The following ACAP2 variants were observed in gnomAD, a reference collection of about 807,000 sequenced individuals.
ACAP2 encodes ArfGAP with coiled-coil, ankyrin repeat and PH domains 2.
Under a neutral mutation model 115.8 loss-of-function variants are expected in ACAP2, and 39 were observed. The observed-to-expected ratio is 0.34, with a 90% confidence interval of 0.26 to 0.44. The LOEUF (loss-of-function observed/expected upper bound fraction) is 0.44. ACAP2 is among the 20% of genes least tolerant of loss of function. The probability of loss-of-function intolerance (pLI) is 1.00; values close to 1 mark genes in which losing one functional copy is unlikely to be tolerated. For missense variants in ACAP2, 662 were observed against 927.6 expected (o/e 0.71, Z 3.72); for synonymous variants, 289 against 315.8 (o/e 0.92, Z 0.90).
In ACAP2 at chr3:195,279,413, T is replaced by C. The variant is rs1726342820; in HGVS notation, c.2252A>G (p.Gln751Arg). 2 of 1,600,332 alleles carry C rather than the reference T, an allele frequency of 1.2e-6. No individual in the cohort carries two copies. Among genetic ancestry groups the C allele is most frequent in the Admixed American group, 1.8e-5 (1 of 56,972 alleles). ...LYGQPGDETY[Q>R]DIFRDFSQMA... ...TTGGGAAAAATCACGAAATATGTCC[T>C]GATAAGTTTCATCACCTGCATGAAA... is the stretch of plus-strand genomic sequence containing the variant. Residue 751 changes from glutamine (Q) to arginine (R), a missense_variant, in exon 23 of 23, where the codon CAG becomes CGG. Transcript: ENST00000326793.
intron 1 of ACAP2, among the ~76,000 whole-genome samples, chr3:195,420,408 G>A (rs1714084727): frequency 6.6e-6 from 1 of 152,094 alleles, no homozygotes; most frequent in Non-Finnish European, 1.5e-5. Context: ...GAGTGCAGTG[G>A]CGCAATCTCG....
intron 4 of ACAP2, among the ~76,000 whole-genome samples, chr3:195,370,403 T>G (rs1205887354): frequency 6.6e-6 from 1 of 152,200 alleles, no homozygotes; most frequent in Non-Finnish European, 1.5e-5. Flanking sequence ...TAATCCATCT[T>G]GAGTTGATTT....
At chr3:195,394,534 A>G (rs1711578503) in intron 1 of ACAP2, among the ~76,000 whole-genome samples, 1 of 152,216 alleles carries the variant, frequency 6.6e-6, no homozygotes, top group South Asian at 2.1e-4. Context: ...AAAGGTAAGC[A>G]GCAAGGCACA....
chr3:195,345,149 T>C, intron 5 of ACAP2, 110 bp downstream of exon 5: 1 of 776,728 alleles, frequency 1.3e-6, no homozygotes. Flanking sequence ...GCAAACAAAA[T>C]GTCAATATTT....
At chr3:195,300,034 CTTTTTTT>C (rs761772967) in intron 15 of ACAP2, among the ~76,000 whole-genome samples, 199 of 141,930 alleles carry the variant, frequency 1.4e-3, no homozygotes, top group African/African-American at 5.3e-3. Context: ...TTTCTTTTTT[CTTTTTTT>C]TTCTTTTTTT....
chr3:195,374,499 TAAG>T (rs1024819230), intron 4 of ACAP2, among the ~76,000 whole-genome samples: 1 of 152,144 alleles, frequency 6.6e-6, no homozygotes, highest in African/African-American at 2.4e-5. Context: ...AACTACAACT[TAAG>T]AAGATGAAAT....
chr3:195,297,414 G>T, intron 15 of ACAP2, 133 bp from the exon 16 acceptor site: 1 of 669,034 alleles, frequency 1.5e-6, no homozygotes, highest in Non-Finnish European at 2.4e-6. Context: ...ATTCTACAAA[G>T]AAGTTTTATG....
intron 4 of ACAP2, among the ~76,000 whole-genome samples, chr3:195,355,608 A>T (rs543181528): frequency 4.2e-4 from 64 of 152,380 alleles, no homozygotes; most frequent in African/African-American, 1.5e-3. Flanking sequence ...GCATAGAATA[A>T]TATATGACTC....
chr3:195,363,120 C>G (rs574793080), intron 4 of ACAP2, among the ~76,000 whole-genome samples: 1 of 152,250 alleles, frequency 6.6e-6, no homozygotes, highest in African/African-American at 2.4e-5. Flanking sequence ...AAAATCAACA[C>G]ACAAAAATCA....
intron 4 of ACAP2, among the ~76,000 whole-genome samples, chr3:195,347,454 C>T (rs188095723): frequency 1.6e-4 from 25 of 152,270 alleles, no homozygotes; most frequent in African/African-American, 5.8e-4. Context: ...CACAGACACA[C>T]ATACATGCAA....
intron 16 of ACAP2, 123 bp from the exon 17 acceptor site, chr3:195,296,015 G>GA: frequency 4.2e-6 from 3 of 710,150 alleles, no homozygotes; most frequent in Non-Finnish European, 6.8e-6. Context: ...GGTTAAAACT[G>GA]AATCTGTGAC....
chr3:195,395,634 G>GGC (rs1560325155), intron 1 of ACAP2, among the ~76,000 whole-genome samples: 2 of 152,220 alleles, frequency 1.3e-5, no homozygotes, highest in African/African-American at 4.8e-5. Context: ...ACGCCATGAT[G>GGC]GCGTAGTTGA....
chr3:195,303,225 G>A (rs569249672), intron 13 of ACAP2, among the ~76,000 whole-genome samples: 7 of 151,882 alleles, frequency 4.6e-5, no homozygotes, highest in Middle Eastern at 3.4e-3. Flanking sequence ...TCCGTCATAT[G>A]AGCGTAAATA....
Position 195,304,747 on chromosome 3 carries a change from C to T in ACAP2, c.1116+1764G>A, listed in dbSNP as rs114384732. Among the ~76,000 whole-genome samples the T allele has an allele frequency of 6.2e-3, 947 of 152,318 alleles. 7 individuals are homozygous for T. The highest frequency in any genetic ancestry group is 8.5e-3 in the Non-Finnish European group (576 of 68,030). On this transcript the variant is annotated intron_variant, in intron 13 of 22. Transcript: ENST00000326793. ...ATGAGTCTTCTCTGGGAAATCACAT[C>T]AGCCGAAAAGACTCAAAAAGACCCT...
chr3:195,337,896 CCGACCTGAGCCCGGGGCCACTCCCACCT>C (rs1730613736), intron 6 of ACAP2, among the ~76,000 whole-genome samples: 1 of 143,606 alleles, frequency 7.0e-6, no homozygotes, highest in Non-Finnish European at 1.5e-5. Flanking sequence ...TTTCTGTACT[CCGACCTGAGCCCGGGGCCACTCCCACCT>C]CAACCTGAGC....
chr3:195,439,457 G>A (rs1715838481), intron 1 of ACAP2, among the ~76,000 whole-genome samples: 1 of 151,822 alleles, frequency 6.6e-6, no homozygotes, highest in South Asian at 2.1e-4. Context: ...GGGATTACAG[G>A]CATGAACCAC....
At chr3:195,402,239 T>G (rs774848480) in intron 1 of ACAP2, among the ~76,000 whole-genome samples, 4 of 152,168 alleles carry the variant, frequency 2.6e-5, no homozygotes, top group Admixed American at 6.5e-5. Flanking sequence ...ACAACTCTGT[T>G]ATTTGCGGCC....
chr3:195,415,273 TAA>T (rs1713622754), intron 1 of ACAP2, among the ~76,000 whole-genome samples: 1 of 143,156 alleles, frequency 7.0e-6, no homozygotes, highest in South Asian at 2.3e-4. Flanking sequence ...AAAGCAGCTC[TAA>T]AAAAGTCTTT....
At chr3:195,391,772 A>G (rs961998947) in intron 2 of ACAP2, among the ~76,000 whole-genome samples, 7 of 152,092 alleles carry the variant, frequency 4.6e-5, no homozygotes, top group Non-Finnish European at 8.8e-5. Context: ...AGGCAGGTGG[A>G]TCACCTGAGG....
Sources: allele counts gnomAD v4.1 joint callset (sites outside exome capture counted in the v4.1 genomes callset), GRCh38; gene constraint gnomAD v4.1.1; transcripts MANE v1.5; gene names NCBI Gene and HGNC (gene_info 2026-07-23, HGNC 2026-07-21).